CFAP57: variants seen among roughly 807,000 people sequenced by gnomAD.
The protein encoded by CFAP57 is cilia- and flagella-associated protein 57.
CFAP57 carries 116 observed loss-of-function variants against 146.8 expected under a neutral mutation model. The observed-to-expected ratio is 0.79, with a 90% CI of 0.68 to 0.92. The LOEUF is 0.92. Ranked by LOEUF, CFAP57 falls within the 40% of genes least tolerant of loss-of-function variation. The pLI, the probability that CFAP57 is intolerant of heterozygous loss-of-function variation, is 0.00. For missense variants in CFAP57, 1,377 were observed against 1,527.2 expected (o/e 0.90, Z 1.64); for synonymous variants, 518 against 552.8 (o/e 0.94, Z 0.88).
intron 21 of CFAP57, among the ~76,000 whole-genome samples, chr1:43,236,348 GA>G (rs1011672153): frequency 1.3e-5 from 2 of 151,634 alleles, no homozygotes; most frequent in African/African-American, 4.8e-5. Context: ...CTTTTTGTTG[GA>G]AAAAAGTCTG....
chr1:43,243,507 T>G, intron 22 of CFAP57, 148 bp downstream of exon 22: 1 of 825,770 alleles, frequency 1.2e-6, no homozygotes, highest in East Asian at 3.1e-5. Flanking sequence ...CACCTGCTCT[T>G]TGAGGAATCC....
intron 22 of CFAP57, among the ~76,000 whole-genome samples, chr1:43,244,387 C>G (rs1646036099): frequency 6.6e-6 from 1 of 152,100 alleles, no homozygotes; most frequent in Admixed American, 6.6e-5. Flanking sequence ...GAACCTTGTA[C>G]TATTTTTGCA....
intron 12 of CFAP57, among the ~76,000 whole-genome samples, chr1:43,216,848 G>T (rs894412383): frequency 6.6e-6 from 1 of 152,200 alleles, no homozygotes; most frequent in Admixed American, 6.5e-5. Flanking sequence ...GGTCTGCTGT[G>T]TACCTGACAC....
Position 43,209,852 on chromosome 1 carries a change from A to G in CFAP57, c.1865A>G (p.Lys622Arg). 1.2e-6 allele frequency: 2 copies of G among 1,614,230 alleles called. No homozygotes were observed. Among genetic ancestry groups the G allele is most frequent in the Non-Finnish European group, 1.7e-6 (2 of 1,180,046 alleles). The change falls in exon 11 of 23, where the codon AAG becomes AGG. Residue 622 changes from lysine (K) to arginine (R), a missense_variant. Lys to Arg is a conservative substitution (Grantham distance 26). Coordinates refer to ENST00000372492, the MANE Select transcript of CFAP57 (RefSeq NM_001378189.1). Reference protein sequence around the residue: ...GTSVGTIRAMKYPLPLQKEFN... With the variant: ...GTSVGTIRAMRYPLPLQKEFN... ...TCGGTGGGAACCATTCGTGCCATGA[A>G]GTACCCTCTGCCTCTGCAGAAGGAA...
intron 21 of CFAP57, among the ~76,000 whole-genome samples, chr1:43,235,599 A>G (rs186119524): frequency 1.7e-3 from 264 of 152,312 alleles, no homozygotes; most frequent in Admixed American, 3.4e-3. Context: ...TCTTACGACC[A>G]GTCCCTGCTG....
intron 12 of CFAP57, among the ~76,000 whole-genome samples, chr1:43,215,623 G>A (rs569206458): frequency 6.6e-6 from 1 of 152,188 alleles, no homozygotes; most frequent in Non-Finnish European, 1.5e-5. Flanking sequence ...TTTCTGCCAT[G>A]TGATCATCTT....
intron 22 of CFAP57, among the ~76,000 whole-genome samples, chr1:43,245,353 G>A (rs4019215): frequency 0.34 from 51,465 of 150,956 alleles, 10,136 homozygotes; most frequent in East Asian, 0.58. Flanking sequence ...TTTTAAATAT[G>A]TCCAAGTATC....
At chr1:43,236,258 G>T (rs181625682) in intron 21 of CFAP57, among the ~76,000 whole-genome samples, 5 of 152,118 alleles carry the variant, frequency 3.3e-5, no homozygotes, top group African/African-American at 9.6e-5. Context: ...CAGGGTGGGG[G>T]GTGTGTGGCA....
chr1:43,207,001 G>A (rs1182415074), intron 10 of CFAP57, 69 bp downstream of exon 10: 6 of 1,514,808 alleles, frequency 4.0e-6, no homozygotes, highest in Non-Finnish European at 5.5e-6. Flanking sequence ...CGTGCTTACA[G>A]CACAAAGTAT....
chr1:43,233,505 T>C lies in CFAP57; in HGVS notation c.3127-774T>C, dbSNP rs1390983701. On this transcript the variant is annotated intron_variant, in intron 19 of 22. Transcript: ENST00000372492. ...CTCCGTCTAAAAAAAAAAAAAAAGATTGGAAATTTCCATCTTCTGCAGTAA... is the reference window on the plus strand; with the variant it reads ...CTCCGTCTAAAAAAAAAAAAAAAGACTGGAAATTTCCATCTTCTGCAGTAA... Among the ~76,000 whole-genome samples, 4 of 148,968 alleles carry C rather than the reference T, an allele frequency of 2.7e-5. No individual in the cohort carries two copies. The East Asian group carries it at 8.0e-4, about 30-fold the overall frequency.
At chr1:43,248,710 TG>T (rs982605531) in intron 22 of CFAP57, among the ~76,000 whole-genome samples, 1 of 152,186 alleles carries the variant, frequency 6.6e-6, no homozygotes, top group Non-Finnish European at 1.5e-5. Flanking sequence ...TAACATCTTT[TG>T]GCCCATTTCA....
intron 16 of CFAP57, 81 bp from the exon 17 acceptor site, chr1:43,223,965 G>A: frequency 2.0e-6 from 3 of 1,476,984 alleles, no homozygotes; most frequent in Non-Finnish European, 1.8e-6. Context: ...GTGGTGGGGA[G>A]CCCCTTACAC....
In CFAP57 at chr1:43,215,285, C is replaced by T. The variant is rs1236419040; in HGVS notation, c.1960C>T (p.Leu654=). ...MLLTFDDQFL[L]TAAEDGCLFT... ...GCTTACCTTTGATGATCAGTTCCTG[C>T]TGACTGCTGCTGAGGATGGCTGCCT... Residue 654 remains leucine (L), a synonymous_variant, in exon 12 of 23, where the codon CTG becomes TTG. Transcript: ENST00000372492. 2.6e-6 allele frequency: 4 copies of T among 1,551,140 alleles called. No individual in the cohort carries two copies. In the East Asian group the frequency reaches 9.8e-5, roughly 38 times the overall value.
At chr1:43,209,699 C>T (rs778070614) in intron 10 of CFAP57, 44 bp from the exon 11 acceptor site, 1 of 1,580,572 alleles carries the variant, frequency 6.3e-7, no homozygotes, top group South Asian at 1.1e-5. Flanking sequence ...ACGTGGGGGC[C>T]ACAGCTCGAC....
chr1:43,212,622 C>T (rs1052648470), intron 11 of CFAP57, among the ~76,000 whole-genome samples: 1 of 151,784 alleles, frequency 6.6e-6, no homozygotes, highest in Non-Finnish European at 1.5e-5. Context: ...CCTTACTCTG[C>T]TATCAAACAT....
Position 43,224,093 on chromosome 1 carries a change from G to C in CFAP57, c.2754G>C (p.Glu918Asp). The change falls in exon 17 of 23, where the codon GAG becomes GAC. Residue 918 changes from glutamate to aspartate, a missense_variant. Physicochemically the swap from Glu to Asp is conservative, Grantham distance 45. Coordinates refer to ENST00000372492, the MANE Select transcript of CFAP57 (RefSeq NM_001378189.1). ...KEIEERTNDI[E>D]TLKGEQMKLQ... Reference sequence around the variant, plus strand: ...TTGAAGAACGAACCAATGACATCGAGACCCTAAAAGGAGAGCAGATGAAGC... The same window carrying C: ...TTGAAGAACGAACCAATGACATCGACACCCTAAAAGGAGAGCAGATGAAGC... The C allele has an allele frequency of 6.4e-7, 1 of 1,550,554 alleles. No individual in the cohort carries two copies. The highest frequency in any genetic ancestry group is 8.7e-7 in the Non-Finnish European group (1 of 1,146,984).
In CFAP57 at chr1:43,175,215, G is replaced by GGT. The variant is rs1044921374; in HGVS notation, c.157+2316_157+2317dup. On this transcript the variant is annotated intron_variant, in intron 2 of 22. Coordinates refer to ENST00000372492, the MANE Select transcript of CFAP57 (RefSeq NM_001378189.1). ...GATGTTTAATATCTTCTCTGTCTAT[G>GGT]GTGTGTGTGTGTATGTATCTATACA... Among the ~76,000 whole-genome samples, 9 of 151,306 alleles carry GGT rather than the reference G, an allele frequency of 5.9e-5. No individual in the cohort carries two copies. In the South Asian group the frequency reaches 1.5e-3, roughly 25 times the overall value.
At chr1:43,211,606 A>G (rs1448634435) in intron 11 of CFAP57, 3 of 150,500 alleles carry the variant, frequency 2.0e-5, no homozygotes, top group African/African-American at 7.3e-5. Flanking sequence ...TCATAATGGT[A>G]TCATCATTTC....
chr1:43,201,663 T>C lies in CFAP57; in HGVS notation c.1542+2160T>C, dbSNP rs1644128528. ...AGAGTTTCGCTTTCGTTGCCCAGGCTGGAGTGCAATGGCACAATCTCAGCT... is the reference window on the plus strand; with the variant it reads ...AGAGTTTCGCTTTCGTTGCCCAGGCCGGAGTGCAATGGCACAATCTCAGCT... On this transcript the variant is annotated intron_variant, in intron 9 of 22. Transcript: ENST00000372492. This position sits in a 1 kb window ranked among gnomAD's most constrained non-coding sequence, Gnocchi z 4.4. Among the ~76,000 whole-genome samples the C allele has an allele frequency of 6.6e-6, 1 of 152,222 alleles. No homozygotes were observed. Among genetic ancestry groups the C allele is most frequent in the Non-Finnish European group, 1.5e-5 (1 of 68,036 alleles).
Sources: allele counts gnomAD v4.1 joint callset (sites outside exome capture counted in the v4.1 genomes callset), GRCh38; gene constraint gnomAD v4.1.1; non-coding constraint Gnocchi (gnomAD v3.1); transcripts MANE v1.5; gene names NCBI Gene and HGNC (gene_info 2026-07-23, HGNC 2026-07-21).